SNRPN: variants seen among roughly 807,000 people sequenced by gnomAD.
The protein encoded by SNRPN is small nuclear ribonucleoprotein polypeptide N, also known as small nuclear ribonucleoprotein-associated protein N.
SNRPN carries 7 observed loss-of-function variants against 25.2 expected under a neutral mutation model. The ratio of observed to expected loss-of-function variants is 0.28; its 90% confidence interval spans 0.16 to 0.52. SNRPN has a LOEUF of 0.52. Ranked by LOEUF, SNRPN falls within the 20% of genes least tolerant of loss-of-function variation. The pLI is 0.96. For synonymous variants in SNRPN, 124 were observed against 110.6 expected (o/e 1.12, Z -0.76); for missense variants, 196 against 322.5 (o/e 0.61, Z 3.00).
chr15:24,900,634 G>C (rs1047256474), intron 2 of SNRPN, among the ~76,000 whole-genome samples: 4 of 152,154 alleles, frequency 2.6e-5, no homozygotes, highest in African/African-American at 9.7e-5. Flanking sequence ...CTAAGGGATA[G>C]GTACACACTA....
intron 1 of SNRPN, among the ~76,000 whole-genome samples, chr15:24,862,647 C>T (rs768490546): frequency 2.0e-5 from 3 of 150,974 alleles, no homozygotes; most frequent in South Asian, 2.1e-4. Context: ...GTGTTTAAGA[C>T]GAGTGAGGAT....
At chr15:24,853,749 C>T (rs58335366), upstream of SNRPN, among the ~76,000 whole-genome samples, 1,005 of 152,236 alleles carry the variant, frequency 6.6e-3, 12 homozygotes, top group African/African-American at 0.023. Flanking sequence ...CACATCATAC[C>T]AATGTTACAT....
At chr15:24,895,976 C>A (rs1014015891) in intron 2 of SNRPN, among the ~76,000 whole-genome samples, 1 of 152,144 alleles carries the variant, frequency 6.6e-6, no homozygotes, top group Non-Finnish European at 1.5e-5. Flanking sequence ...CCATGTAAGA[C>A]CTTAAGACAT....
intron 1 of SNRPN, among the ~76,000 whole-genome samples, chr15:24,829,643 C>T (rs960485372): frequency 2.6e-5 from 4 of 152,018 alleles, no homozygotes; most frequent in African/African-American, 4.8e-5. Flanking sequence ...ATCCCCAATC[C>T]ATGAGGTCTT....
At chr15:24,905,992 G>A (rs2151847941) in intron 2 of SNRPN, among the ~76,000 whole-genome samples, 1 of 152,240 alleles carries the variant, frequency 6.6e-6, no homozygotes, top group African/African-American at 2.4e-5. Flanking sequence ...GTTAACGAGT[G>A]AGACTCCTAT....
intron 2 of SNRPN, among the ~76,000 whole-genome samples, chr15:24,900,730 C>T (rs756545380): frequency 7.2e-5 from 11 of 152,118 alleles, no homozygotes; most frequent in Non-Finnish European, 1.5e-4. Flanking sequence ...CATTCTAAGG[C>T]CGTTATACTA....
chr15:24,879,378 A>C (rs1232464845), intron 1 of SNRPN, among the ~76,000 whole-genome samples: 2 of 151,660 alleles, frequency 1.3e-5, no homozygotes, highest in Non-Finnish European at 2.9e-5. Context: ...CGGTGGTTGC[A>C]GTGAGCCGAG....
chr15:24,892,852 C>T (rs118116888), intron 2 of SNRPN, among the ~76,000 whole-genome samples: 3,875 of 152,016 alleles, frequency 0.025, 83 homozygotes, highest in Non-Finnish European at 0.04. Flanking sequence ...GGCTTTTTGT[C>T]AATGGATAAG....
chr15:24,978,166 C>G, intron 8 of SNRPN, 27 bp from the exon 9 acceptor site: 1 of 1,605,554 alleles, frequency 6.2e-7, no homozygotes, highest in Non-Finnish European at 8.5e-7. Flanking sequence ...TTTATGAGGC[C>G]TTTATTTCTA....
chr15:24,830,783 G>T (rs930010584), intron 2 of SNRPN, among the ~76,000 whole-genome samples: 1 of 152,052 alleles, frequency 6.6e-6, no homozygotes, highest in Non-Finnish European at 1.5e-5. Context: ...TGTGTTTTGA[G>T]TGCATACATT....
intron 3 of SNRPN, among the ~76,000 whole-genome samples, chr15:24,922,319 A>G (rs1308482694): frequency 6.6e-6 from 1 of 152,172 alleles, no homozygotes; most frequent in African/African-American, 2.4e-5. Flanking sequence ...CACAATCCAG[A>G]TCCTCTACAC....
intron 2 of SNRPN, among the ~76,000 whole-genome samples, chr15:24,896,825 A>G (rs1457009838): frequency 4.6e-5 from 7 of 152,220 alleles, no homozygotes; most frequent in Admixed American, 1.3e-4. Flanking sequence ...TAGCCATTGT[A>G]AAATGAATTC....
intron 2 of SNRPN, among the ~76,000 whole-genome samples, chr15:24,833,608 A>G (rs1014045669): frequency 1.3e-5 from 2 of 152,038 alleles, no homozygotes; most frequent in African/African-American, 2.4e-5. Flanking sequence ...TGAGGTACAC[A>G]CGTTTATATA....
intron 3 of SNRPN, among the ~76,000 whole-genome samples, chr15:24,932,975 A>G (rs989702432): frequency 1.3e-5 from 2 of 151,986 alleles, no homozygotes; most frequent in Non-Finnish European, 2.9e-5. Context: ...TTGAAAGTTT[A>G]CTTTTGACTG....
At chr15:24,920,140 A>G (rs2152526587) in intron 3 of SNRPN, 1 of 152,156 alleles carries the variant, frequency 6.6e-6, no homozygotes, top group East Asian at 1.9e-4. Context: ...TAGAAATTTT[A>G]TATATCTCCA....
chr15:24,847,622 G>A lies in SNRPN; in HGVS notation c.-579+17717G>A, dbSNP rs535674434. On this transcript the variant is annotated intron_variant, in intron 2 of 12. Transcript: ENST00000400100. The stretch of plus-strand genomic sequence containing the variant: ...CCACTGCACTCCAGCCTGGGTGATA[G>A]AGTGAGACTCTCCCTCAAAATAATA... Among the ~76,000 whole-genome samples, 324 of 152,306 alleles carry A rather than the reference G, an allele frequency of 2.1e-3. 2 individuals are homozygous for A. Among genetic ancestry groups the A allele is most frequent in the Non-Finnish European group, 2.3e-3 (159 of 68,032 alleles).
At chr15:24,908,596 GAAA>G (rs2059006783) in intron 2 of SNRPN, among the ~76,000 whole-genome samples, 1 of 31,844 alleles carries the variant, frequency 3.1e-5, no homozygotes, top group African/African-American at 2.9e-4. Flanking sequence ...TTTGTTCCTG[GAAA>G]GAACAGAACA....
chr15:24,977,886 C>A lies in SNRPN; in HGVS notation c.529C>A (p.Pro177Thr). ...CCCACCAGGACGGGGCACTCCGCCC[C>A]CACCCGTCGGCAGAGCAACCCCACC... ...QYPPGRGTPP[P>T]PVGRATPPPG... Residue 177 changes from proline to threonine, a missense_variant, in exon 8 of 10, where the codon CCA becomes ACA. Transcript: ENST00000390687. 6.3e-7 allele frequency: 1 copy of A among 1,590,898 alleles called. No homozygotes were observed. The highest frequency in any genetic ancestry group is 8.6e-7 in the Non-Finnish European group (1 of 1,168,874).
Position 24,907,573 on chromosome 15 carries a change from G to A in SNRPN, c.-504-12438G>A, listed in dbSNP as rs192823732. Among the ~76,000 whole-genome samples the A allele has an allele frequency of 1.3e-3, 195 of 152,162 alleles. 1 individual carries two copies. Among genetic ancestry groups the A allele is most frequent in the African/African-American group, 4.6e-3 (190 of 41,524 alleles). ...AGATCGTGCCACTGCACTCCAGCCT[G>A]GGTGACAGAGCGAGACTCCATCTCA... On this transcript the variant is annotated intron_variant, in intron 2 of 11. Transcript: ENST00000400097.
Sources: gnomAD v4.1 joint callset for allele counts (sites outside exome capture counted in the v4.1 genomes callset) on GRCh38, gnomAD v4.1.1 for gene constraint, MANE v1.5 for transcripts, NCBI Gene and HGNC (gene_info 2026-07-23, HGNC 2026-07-21) for gene names.